The following SGCZ variants were observed in gnomAD, a reference collection of about 807,000 sequenced individuals.
The protein encoded by SGCZ is sarcoglycan zeta.
In SGCZ, 40 loss-of-function variants were observed where a neutral mutation model predicts 41.3. That is an observed-to-expected ratio of 0.97 (90% CI 0.75 to 1.26). The LOEUF is 1.26. Among genes scored for constraint, SGCZ ranks in the 50% most tolerant of loss-of-function variants. SGCZ has a pLI of 0.00. For synonymous variants in SGCZ, 206 were observed against 137.5 expected (o/e 1.50, Z -3.49); for missense variants, 552 against 369.8 (o/e 1.49, Z -4.04).
intron 2 of SGCZ, among the ~76,000 whole-genome samples, chr8:14,499,534 A>G (rs1802090822): frequency 6.6e-6 from 1 of 151,976 alleles, no homozygotes; most frequent in Non-Finnish European, 1.5e-5. Context: ...CCTTTAACTT[A>G]TTTGAATTTA....
At chr8:14,251,969 C>CA (rs1799303442) in intron 3 of SGCZ, among the ~76,000 whole-genome samples, 1 of 152,084 alleles carries the variant, frequency 6.6e-6, no homozygotes, top group Non-Finnish European at 1.5e-5. Flanking sequence ...CTCGACCTCC[C>CA]AAAGTGTTGG....
chr8:14,578,123 G>A (rs1047118394), intron 1 of SGCZ, among the ~76,000 whole-genome samples: 3 of 152,168 alleles, frequency 2.0e-5, no homozygotes, highest in South Asian at 2.1e-4. Context: ...TGAAGGCAGA[G>A]GGGAGAGCAA....
intron 1 of SGCZ, among the ~76,000 whole-genome samples, chr8:14,801,475 G>A (rs1801319417): frequency 6.6e-6 from 1 of 152,150 alleles, no homozygotes; most frequent in Non-Finnish European, 1.5e-5. Flanking sequence ...TTCCTATTAA[G>A]ATTAAAATGC....
At chr8:14,519,296 T>C (rs995571876) in intron 2 of SGCZ, among the ~76,000 whole-genome samples, 4 of 152,094 alleles carry the variant, frequency 2.6e-5, no homozygotes, top group Non-Finnish European at 4.4e-5. Flanking sequence ...ATCTCCTTCC[T>C]GGATCTATTT....
chr8:15,159,734 CCCCCCACCCTCCCCCCCA>C (rs1281501942), intron 1 of SGCZ, among the ~76,000 whole-genome samples: 1 of 38,598 alleles, frequency 2.6e-5, no homozygotes, highest in African/African-American at 8.6e-5. Flanking sequence ...CGCCCCCGCC[CCCCCCACCCTCCCCCCCA>C]CCCCCGCCAC....
intron 1 of SGCZ, among the ~76,000 whole-genome samples, chr8:15,213,480 T>C (rs866940727): frequency 3.3e-5 from 5 of 151,566 alleles, no homozygotes; most frequent in Admixed American, 2.0e-4. Context: ...TTTTCTAGTA[T>C]AGGCTTTTTA....
intron 1 of SGCZ, among the ~76,000 whole-genome samples, chr8:14,963,314 G>T (rs181395790): frequency 6.6e-6 from 1 of 150,720 alleles, no homozygotes; most frequent in East Asian, 2.0e-4. Context: ...ATCCAGTGAG[G>T]TATAAATTCA....
At position 14,277,264 on chromosome 8, in the gene SGCZ, G is replaced by A. The variant is rs202026248; in HGVS notation, c.337-39585C>T. On this transcript the variant is annotated intron_variant, in intron 3 of 7. Coordinates refer to ENST00000382080, the MANE Select transcript of SGCZ (RefSeq NM_139167.4). Reference sequence around the variant, plus strand: ...CTTTTATCCTCGTAAAGTTCAAAATGTTCAACCATGAAGAGATTGCTAATT... The same window carrying A: ...CTTTTATCCTCGTAAAGTTCAAAATATTCAACCATGAAGAGATTGCTAATT... Among the ~76,000 whole-genome samples the A allele has an allele frequency of 2.0e-5, 3 of 152,228 alleles. No individual in the cohort carries two copies. The East Asian group carries it at 5.8e-4, about 29-fold the overall frequency.
At chr8:14,557,327 A>T (rs773766717) in intron 1 of SGCZ, among the ~76,000 whole-genome samples, 1 of 151,272 alleles carries the variant, frequency 6.6e-6, no homozygotes, top group Non-Finnish European at 1.5e-5. Context: ...TTTGGATAGT[A>T]GTCTTTTGTT....
intron 1 of SGCZ, among the ~76,000 whole-genome samples, chr8:14,865,293 G>A (rs980786343): frequency 2.0e-5 from 3 of 151,912 alleles, no homozygotes; most frequent in African/African-American, 4.8e-5. Context: ...GGAACTCTCA[G>A]ACCATATCCC....
At chr8:14,667,577 T>A (rs1807951184) in intron 1 of SGCZ, among the ~76,000 whole-genome samples, 1 of 152,270 alleles carries the variant, frequency 6.6e-6, no homozygotes, top group Non-Finnish European at 1.5e-5. Flanking sequence ...TAAAAAAATA[T>A]AACACTCTCT....
intron 2 of SGCZ, among the ~76,000 whole-genome samples, chr8:14,482,321 A>G (rs1038980468): frequency 2.0e-5 from 3 of 152,206 alleles, no homozygotes; most frequent in East Asian, 1.9e-4. Context: ...GAAAGCATAC[A>G]TAATTTCACA....
intron 3 of SGCZ, among the ~76,000 whole-genome samples, chr8:14,278,830 T>C (rs1168441559): frequency 3.3e-5 from 5 of 152,074 alleles, no homozygotes; most frequent in African/African-American, 1.2e-4. Context: ...TTTGTGTTTG[T>C]GATATACTCA....
intron 1 of SGCZ, among the ~76,000 whole-genome samples, chr8:14,742,235 C>A (rs1272805789): frequency 6.6e-6 from 1 of 152,008 alleles, no homozygotes; most frequent in East Asian, 1.9e-4. Flanking sequence ...GGCATTTAAA[C>A]ACTGACAACA....
At chr8:14,134,962 T>C (rs1803153146) in intron 5 of SGCZ, among the ~76,000 whole-genome samples, 1 of 152,200 alleles carries the variant, frequency 6.6e-6, no homozygotes, top group South Asian at 2.1e-4. Context: ...AAACACACAG[T>C]AGCGTATCCA....
intron 2 of SGCZ, among the ~76,000 whole-genome samples, chr8:14,429,686 C>T (rs995370907): frequency 6.6e-6 from 1 of 152,090 alleles, no homozygotes; most frequent in Non-Finnish European, 1.5e-5. Context: ...ACTAGCGTGG[C>T]TAATCGTCCT....
intron 5 of SGCZ, among the ~76,000 whole-genome samples, chr8:14,141,893 A>G (rs1803381887): frequency 6.6e-6 from 1 of 152,248 alleles, no homozygotes; most frequent in Non-Finnish European, 1.5e-5. Flanking sequence ...ACTATTCACA[A>G]TAGCCAAGAC....
At chr8:15,172,705 C>T (rs1399528807) in intron 1 of SGCZ, among the ~76,000 whole-genome samples, 2 of 152,072 alleles carry the variant, frequency 1.3e-5, no homozygotes, top group Admixed American at 6.6e-5. Context: ...AAAAAATCTT[C>T]CTGGGATAGA....
chr8:14,625,168 T>G (rs1585134590), intron 1 of SGCZ, among the ~76,000 whole-genome samples: 1 of 152,188 alleles, frequency 6.6e-6, no homozygotes, highest in African/African-American at 2.4e-5. Context: ...GTGTTCAGTG[T>G]TCCATAACTT....
Sources: allele counts gnomAD v4.1 joint callset (sites outside exome capture counted in the v4.1 genomes callset), GRCh38; gene constraint gnomAD v4.1.1; transcripts MANE v1.5; gene names NCBI Gene and HGNC (gene_info 2026-07-23, HGNC 2026-07-21).